RAD51B: variants seen among roughly 807,000 people sequenced by gnomAD.
RAD51B encodes the protein DNA repair protein RAD51 homolog 2.
RAD51B carries 38 observed loss-of-function variants against 42.2 expected under a neutral mutation model. The observed-to-expected ratio is 0.90, with a 90% CI of 0.70 to 1.18. The LOEUF is 1.18. Ranked by LOEUF, RAD51B falls within the 50% of genes most tolerant of loss-of-function variation. The pLI, the probability that RAD51B is intolerant of heterozygous loss-of-function variation, is 0.00. For missense variants in RAD51B, 373 were observed against 400.7 expected (o/e 0.93, Z 0.59); for synonymous variants, 154 against 145.2 (o/e 1.06, Z -0.43).
At position 68,344,902 on chromosome 14, in the gene RAD51B, A is replaced by G. The variant is rs8014974; in HGVS notation, c.853+52922A>G. On this transcript the variant is annotated intron_variant, in intron 8 of 10. Coordinates refer to ENST00000471583, the MANE Select transcript of RAD51B (RefSeq NM_133510.4). ...GCGGAGCTTGCAGTGAGCCGAGATCATGCCACTGCACTCCAGCCTGGGCAA... is the reference window on the plus strand; with the variant it reads ...GCGGAGCTTGCAGTGAGCCGAGATCGTGCCACTGCACTCCAGCCTGGGCAA... Among the ~76,000 whole-genome samples, 403 of 145,554 alleles carry G rather than the reference A, an allele frequency of 2.8e-3. 10 individuals carry two copies. The East Asian group carries it at 0.047, about 17-fold the overall frequency.
At chr14:68,450,056 G>A (rs561226579) in intron 9 of RAD51B, among the ~76,000 whole-genome samples, 1 of 152,250 alleles carries the variant, frequency 6.6e-6, no homozygotes, top group Admixed American at 6.5e-5. Flanking sequence ...ACAAAGGAGA[G>A]GCTTTTCCCA....
intron 7 of RAD51B, among the ~76,000 whole-genome samples, chr14:67,895,984 A>G (rs114279271): frequency 0.016 from 2,431 of 152,250 alleles, 63 homozygotes; most frequent in African/African-American, 0.055. Context: ...CATGGTCTTA[A>G]CTTCTAATTG....
At chr14:68,454,885 G>T (rs1594862241) in intron 9 of RAD51B, among the ~76,000 whole-genome samples, 1 of 152,324 alleles carries the variant, frequency 6.6e-6, no homozygotes, top group East Asian at 1.9e-4. Context: ...GTTTTATAAA[G>T]CTCCTACATA....
intron 7 of RAD51B, among the ~76,000 whole-genome samples, chr14:68,142,175 A>G (rs753779153): frequency 4.6e-5 from 7 of 152,226 alleles, no homozygotes; most frequent in South Asian, 2.1e-4. Context: ...CATGATTTCT[A>G]TAGTACTGGA....
intron 8 of RAD51B, among the ~76,000 whole-genome samples, chr14:68,306,847 T>C (rs1241712105): frequency 6.6e-6 from 1 of 152,054 alleles, no homozygotes; most frequent in East Asian, 1.9e-4. Flanking sequence ...TGCCAGGCAA[T>C]GGGTTGTGCC....
downstream of RAD51B, among the ~76,000 whole-genome samples, chr14:68,598,570 G>A (rs992511650): frequency 1.2e-3 from 187 of 152,222 alleles, no homozygotes; most frequent in African/African-American, 3.8e-3. Context: ...TCCTCGGTCT[G>A]GGGTAAATCC....
chr14:68,169,719 C>T (rs926909374), intron 7 of RAD51B, among the ~76,000 whole-genome samples: 2 of 151,974 alleles, frequency 1.3e-5, no homozygotes, highest in Non-Finnish European at 2.9e-5. Flanking sequence ...TGGGTTCTTG[C>T]AAGGTAGCCA....
chr14:68,633,359 A>G (rs1007610473), intron 10 of RAD51B, among the ~76,000 whole-genome samples: 1 of 152,076 alleles, frequency 6.6e-6, no homozygotes, highest in African/African-American at 2.4e-5. Context: ...GCTCGGATGC[A>G]TATTTTTTAT....
chr14:67,860,440 T>C (rs1393946792), intron 4 of RAD51B, among the ~76,000 whole-genome samples: 1 of 152,192 alleles, frequency 6.6e-6, no homozygotes, highest in Non-Finnish European at 1.5e-5. Context: ...TGTTTTGACT[T>C]TGTAAGAGTT....
intron 7 of RAD51B, among the ~76,000 whole-genome samples, chr14:67,959,578 G>A (rs1327342161): frequency 6.6e-6 from 1 of 152,074 alleles, no homozygotes; most frequent in Admixed American, 6.5e-5. Flanking sequence ...TGTTAGCCTT[G>A]AAAAATAATG....
At chr14:68,060,069 A>G (rs1426888878) in intron 7 of RAD51B, among the ~76,000 whole-genome samples, 1 of 152,206 alleles carries the variant, frequency 6.6e-6, no homozygotes, top group Non-Finnish European at 1.5e-5. Context: ...TATTTAGACA[A>G]GAGTCCCAGT....
intron 7 of RAD51B, among the ~76,000 whole-genome samples, chr14:67,952,992 A>G (rs1037353758): frequency 1.3e-5 from 2 of 152,116 alleles, no homozygotes; most frequent in African/African-American, 4.8e-5. Flanking sequence ...TGAGACTTAC[A>G]TATATTCTAG....
chr14:67,855,269 T>C (rs1332810577), intron 4 of RAD51B, among the ~76,000 whole-genome samples: 3 of 151,964 alleles, frequency 2.0e-5, no homozygotes, highest in Non-Finnish European at 4.4e-5. Flanking sequence ...CTTGCTCTGT[T>C]GCACAGGCTG....
intron 10 of RAD51B, among the ~76,000 whole-genome samples, chr14:68,637,550 C>T (rs527560679): frequency 2.6e-5 from 4 of 152,124 alleles, no homozygotes; most frequent in South Asian, 2.1e-4. Context: ...AATGGGGAGA[C>T]GGAGAAGAAT....
chr14:68,190,317 G>A (rs561028236), intron 7 of RAD51B, among the ~76,000 whole-genome samples: 1 of 152,154 alleles, frequency 6.6e-6, no homozygotes, highest in African/African-American at 2.4e-5. Context: ...AGAAAATCAA[G>A]GCTGAAATAT....
At chr14:67,853,601 G>A (rs944956682) in intron 4 of RAD51B, among the ~76,000 whole-genome samples, 1 of 152,184 alleles carries the variant, frequency 6.6e-6, no homozygotes, top group African/African-American at 2.4e-5. Context: ...CACAGTCTTT[G>A]TTTCTGGTTA....
At chr14:68,184,613 A>AC (rs2079119020) in intron 7 of RAD51B, among the ~76,000 whole-genome samples, 1 of 60,232 alleles carries the variant, frequency 1.7e-5, no homozygotes, top group Non-Finnish European at 4.1e-5. Context: ...CTGTCTAAAA[A>AC]AAAAAAAAAA....
intron 7 of RAD51B, among the ~76,000 whole-genome samples, chr14:67,949,428 G>A (rs1473824156): frequency 6.6e-6 from 1 of 152,168 alleles, no homozygotes; most frequent in Non-Finnish European, 1.5e-5. Flanking sequence ...ATCTGTTCAA[G>A]TTTGGTCATG....
At chr14:68,044,024 C>T (rs530039304) in intron 7 of RAD51B, among the ~76,000 whole-genome samples, 1 of 152,240 alleles carries the variant, frequency 6.6e-6, no homozygotes, top group East Asian at 1.9e-4. Flanking sequence ...CATTATTGCC[C>T]ATCAGGCTGC....
Sources: gnomAD v4.1 joint callset for allele counts (sites outside exome capture counted in the v4.1 genomes callset) on GRCh38, gnomAD v4.1.1 for gene constraint, MANE v1.5 for transcripts, NCBI Gene and HGNC (gene_info 2026-07-23, HGNC 2026-07-21) for gene names.